Variants in KANK4 observed in about 807,000 individuals in gnomAD.
KANK4 encodes the protein KN motif and ankyrin repeat domain-containing protein 4.
Under a neutral mutation model 80.8 loss-of-function variants are expected in KANK4, and 50 were observed. The ratio of observed to expected loss-of-function variants is 0.62; its 90% CI spans 0.49 to 0.78. The LOEUF is 0.78. Among genes scored for constraint, KANK4 ranks in the 30% least tolerant of loss-of-function variants. The probability of loss-of-function intolerance (pLI) is 0.00; values close to 1 mark genes in which losing one functional copy is unlikely to be tolerated. For synonymous variants in KANK4, 465 were observed against 506.9 expected, an observed-to-expected ratio of 0.92 and a Z score of 1.11; for missense variants, 1,196 against 1,240.1, an observed-to-expected ratio of 0.96 and a Z score of 0.53.
intron 7 of KANK4, among the ~76,000 whole-genome samples, chr1:62,261,844 C>T (rs775145927): frequency 6.6e-6 from 1 of 152,204 alleles, no homozygotes; most frequent in East Asian, 1.9e-4. Context: ...GGAAGACTGT[C>T]TGCCTGCTGG....
intron 1 of KANK4, among the ~76,000 whole-genome samples, chr1:62,286,820 G>T (rs1672579942): frequency 6.6e-6 from 1 of 152,106 alleles, no homozygotes; most frequent in South Asian, 2.1e-4. Flanking sequence ...AATCTGTCGG[G>T]GCAGAGCCGA....
At chr1:62,276,792 T>C (rs1672325885) in intron 2 of KANK4, among the ~76,000 whole-genome samples, 1 of 110,326 alleles carries the variant, frequency 9.1e-6, no homozygotes, top group Admixed American at 8.2e-5. Context: ...ATAAGACTAT[T>C]GTGAGGACTA....
chr1:62,292,103 A>G (rs1029105614), intron 1 of KANK4, among the ~76,000 whole-genome samples: 1 of 152,062 alleles, frequency 6.6e-6, no homozygotes, highest in Non-Finnish European at 1.5e-5. Flanking sequence ...GTCTGTATAG[A>G]TTTGCCGATT....
In KANK4 at chr1:62,236,177, T is replaced by C. The variant is rs555258041; in HGVS notation, c.*2100A>G. On this transcript the variant is annotated 3_prime_UTR_variant, in exon 10 of 10. Coordinates refer to ENST00000371153, the MANE Select transcript of KANK4 (RefSeq NM_181712.5). ...TGAGACAGAAGACTGAGAGGCAGCA[T>C]TTTAATATAACAAACAATAAGGATA... Among the ~76,000 whole-genome samples the C allele has an allele frequency of 5.1e-4, 78 of 152,264 alleles. 1 individual carries two copies. The South Asian group carries it at 0.016, about 32-fold the overall frequency.
At chr1:62,262,156 G>T (rs1671900967) in intron 7 of KANK4, among the ~76,000 whole-genome samples, 1 of 152,208 alleles carries the variant, frequency 6.6e-6, no homozygotes, top group Non-Finnish European at 1.5e-5. Context: ...CTGAAGATGG[G>T]AAAATGCCAT....
intron 1 of KANK4, among the ~76,000 whole-genome samples, chr1:62,286,584 A>C (rs1461297544): frequency 6.6e-6 from 1 of 152,174 alleles, no homozygotes; most frequent in Non-Finnish European, 1.5e-5. Flanking sequence ...ACTCCTCCGA[A>C]TCTGGCAGCT....
At chr1:62,251,541 C>T (rs534778471) in intron 8 of KANK4, among the ~76,000 whole-genome samples, 1 of 152,278 alleles carries the variant, frequency 6.6e-6, no homozygotes, top group African/African-American at 2.4e-5. Context: ...CCTTGTCTAA[C>T]TCAAAGCCCT....
At chr1:62,245,634 G>A (rs747010988) in intron 9 of KANK4, among the ~76,000 whole-genome samples, 34 of 152,164 alleles carry the variant, frequency 2.2e-4, no homozygotes, top group Non-Finnish European at 4.7e-4. Context: ...CGAATCAGTA[G>A]CTTGAAAATC....
intron 1 of KANK4, among the ~76,000 whole-genome samples, chr1:62,303,482 G>C (rs972381087): frequency 1.3e-5 from 2 of 151,946 alleles, no homozygotes; most frequent in African/African-American, 4.8e-5. Flanking sequence ...CGACCCAAAG[G>C]CACCCTAATT....
chr1:62,281,955 C>A (rs1672460171), intron 1 of KANK4, among the ~76,000 whole-genome samples: 1 of 152,120 alleles, frequency 6.6e-6, no homozygotes, highest in South Asian at 2.1e-4. Flanking sequence ...CGTGAAGGTG[C>A]TAGTATCAGA....
chr1:62,261,934 ATC>A (rs1317454675), intron 7 of KANK4, among the ~76,000 whole-genome samples: 6 of 152,026 alleles, frequency 3.9e-5, no homozygotes, highest in Non-Finnish European at 7.4e-5. Context: ...TGCATTCTCT[ATC>A]TCTCTTTCAT....
In KANK4 at chr1:62,236,593, A is replaced by ATTTT. The variant is rs11449212; in HGVS notation, c.*1680_*1683dup. ...ATGGCCTTAATGGGTTACAAATTGG[A>ATTTT]TTTTTTTTTTTTTTTTTTTTGAGAC... On this transcript the variant is annotated 3_prime_UTR_variant, in exon 10 of 10. Coordinates refer to ENST00000371153, the MANE Select transcript of KANK4 (RefSeq NM_181712.5). 0.016 allele frequency among the ~76,000 whole-genome samples: 1,928 copies of ATTTT among 124,290 alleles called. 66 individuals are homozygous for ATTTT. The highest frequency in any genetic ancestry group is 0.057 in the African/African-American group (1,822 of 32,160). The allele number at this position is 124,290 out of a possible 152,430, so 81.5% of individuals were successfully genotyped here.
At chr1:62,309,635 T>C (rs1644481842) in intron 1 of KANK4, among the ~76,000 whole-genome samples, 1 of 152,226 alleles carries the variant, frequency 6.6e-6, no homozygotes, top group Non-Finnish European at 1.5e-5. Context: ...AAGTGCACTA[T>C]CTCATTTCAT....
intron 1 of KANK4, among the ~76,000 whole-genome samples, chr1:62,284,670 C>T (rs1368334941): frequency 6.6e-6 from 1 of 152,296 alleles, no homozygotes; most frequent in Non-Finnish European, 1.5e-5. Context: ...CTGTTCAGAA[C>T]CTTTAAATAC....
rs1390296029 is a variant in KANK4, at chr1:62,268,383, A to G, written c.2135T>C (p.Leu712Pro). 6.2e-7 allele frequency: 1 copy of G among 1,614,002 alleles called. No individual in the cohort carries two copies. The highest frequency in any genetic ancestry group is 2.2e-5 in the East Asian group (1 of 44,870). ...PDHKHVKDAH[L>P]TCEAGQGIPE... The stretch of plus-strand genomic sequence containing the variant: ...GATGCCCTGCCCAGCCTCGCAGGTG[A>G]GATGGGCATCTTTGACATGCTTGTG... The change falls in exon 5 of 10, where the codon CTC becomes CCC. Residue 712 changes from leucine (L) to proline (P), a missense_variant. This residue lies in a region of KANK4 where 1,154 missense variants were observed against 1,179.6 expected (regional missense o/e 0.98). Transcript: ENST00000371153.
Position 62,273,189 on chromosome 1 carries a change from A to G in KANK4, c.1900+15T>C. Reference sequence around the variant, plus strand: ...ATGGCTCCCTGTCTCAGGCCCCTATATTGATGGTATTTACCCACTGGCGGG... The same window carrying G: ...ATGGCTCCCTGTCTCAGGCCCCTATGTTGATGGTATTTACCCACTGGCGGG... On this transcript the variant is annotated intron_variant, in intron 3 of 9. Coordinates refer to ENST00000371153, the MANE Select transcript of KANK4 (RefSeq NM_181712.5). 4.0e-6 allele frequency: 6 copies of G among 1,487,628 alleles called. No individual in the cohort carries two copies. The highest frequency in any genetic ancestry group is 5.4e-6 in the Non-Finnish European group (6 of 1,113,794). 92.2% of individuals were successfully genotyped at this position (1,487,628 alleles called of 1,614,324 possible). A position where few individuals can be genotyped will look rare whatever the true frequency, so the allele number is the denominator to read the frequency against.
Position 62,282,329 on chromosome 1 carries a change from T to C in KANK4, c.-70-695A>G, listed in dbSNP as rs529759212. On this transcript the variant is annotated intron_variant, in intron 1 of 9. Transcript: ENST00000371153. ...GTTTTAATCCATTTCCAGGACTCTT[T>C]CTTCAAATGGTAAACATCCTAGCTC... is the stretch of plus-strand genomic sequence containing the variant. Among the ~76,000 whole-genome samples the C allele has an allele frequency of 9.2e-5, 14 of 152,284 alleles. No individual in the cohort carries two copies. The South Asian group carries it at 2.9e-3, about 32-fold the overall frequency.
chr1:62,239,184 G>T (rs1671281244), intron 9 of KANK4, among the ~76,000 whole-genome samples: 1 of 152,006 alleles, frequency 6.6e-6, no homozygotes, highest in Admixed American at 6.6e-5. Context: ...TTACAGACAT[G>T]AATTTGCAAT....
At chr1:62,246,787 G>A (rs1417707593) in intron 9 of KANK4, among the ~76,000 whole-genome samples, 1 of 150,888 alleles carries the variant, frequency 6.6e-6, no homozygotes, top group Non-Finnish European at 1.5e-5. Context: ...TTGAGACAGA[G>A]TTTCATGTTG....
Sources: allele counts gnomAD v4.1 joint callset (sites outside exome capture counted in the v4.1 genomes callset), GRCh38; gene constraint gnomAD v4.1.1; regional missense constraint gnomAD v4.1.1; transcripts MANE v1.5; gene names NCBI Gene and HGNC (gene_info 2026-07-23, HGNC 2026-07-21).